The following DLG2 variants were observed in gnomAD, a reference collection of about 807,000 sequenced individuals.
DLG2 encodes disks large homolog 2.
DLG2 carries 45 observed loss-of-function variants against 132.5 expected under a neutral mutation model. The ratio of observed to expected loss-of-function variants is 0.34; its 90% confidence interval spans 0.27 to 0.44. The LOEUF is 0.44. DLG2 is among the 20% of genes least tolerant of loss of function. DLG2 has a pLI of 1.00. For synonymous variants in DLG2, 424 were observed against 419.6 expected (o/e 1.01, Z -0.13); for missense variants, 1,045 against 1,196.9 (o/e 0.87, Z 1.87).
intron 6 of DLG2, chr11:84,720,151 C>A (rs1418614249): frequency 1.6e-6 from 1 of 614,926 alleles, no homozygotes; most frequent in Non-Finnish European, 2.0e-6. Flanking sequence ...TCTTGGCCCC[C>A]AAACCCAGCT....
chr11:83,658,818 T>C (rs1278896817), intron 18 of DLG2, among the ~76,000 whole-genome samples: 1 of 152,236 alleles, frequency 6.6e-6, no homozygotes, highest in Non-Finnish European at 1.5e-5. Context: ...CTTTCTAGTA[T>C]TGAGCATTTA....
chr11:84,056,992 T>C (rs556203809), intron 11 of DLG2, among the ~76,000 whole-genome samples: 3 of 152,202 alleles, frequency 2.0e-5, no homozygotes, highest in Admixed American at 6.6e-5. Flanking sequence ...CTCATCTCAG[T>C]AGACCAAGCT....
chr11:84,684,600 T>A (rs895503291), intron 6 of DLG2, among the ~76,000 whole-genome samples: 1 of 152,138 alleles, frequency 6.6e-6, no homozygotes, highest in African/African-American at 2.4e-5. Context: ...TGGTTTCAAA[T>A]CCCAACTGAG....
intron 18 of DLG2, among the ~76,000 whole-genome samples, chr11:83,697,752 T>C (rs187879128): frequency 2.1e-4 from 32 of 152,154 alleles, no homozygotes; most frequent in African/African-American, 7.2e-4. Context: ...TTTAATAAAA[T>C]TAAAGGTGCT....
chr11:83,897,385 G>T (rs1565547098), intron 15 of DLG2, among the ~76,000 whole-genome samples: 1 of 152,146 alleles, frequency 6.6e-6, no homozygotes, highest in Non-Finnish European at 1.5e-5. Flanking sequence ...TACCCTTAAG[G>T]GGATACTTTG....
intron 6 of DLG2, among the ~76,000 whole-genome samples, chr11:84,770,243 G>A (rs1481864505): frequency 1.3e-5 from 2 of 152,168 alleles, no homozygotes; most frequent in African/African-American, 2.4e-5. Context: ...CTCAGAAGCT[G>A]AGCAGATGCT....
intron 3 of DLG2, among the ~76,000 whole-genome samples, chr11:85,408,733 T>C (rs930198627): frequency 6.6e-6 from 1 of 151,784 alleles, no homozygotes; most frequent in African/African-American, 2.4e-5. Context: ...AACTCATCAT[T>C]TTTTATGGCT....
intron 19 of DLG2, among the ~76,000 whole-genome samples, chr11:83,629,402 G>A (rs2063189980): frequency 6.6e-6 from 1 of 152,134 alleles, no homozygotes; most frequent in African/African-American, 2.4e-5. Flanking sequence ...CAAGTGAACA[G>A]GGCTGAGTTT....
rs564661504 is a variant in DLG2, at chr11:85,166,552, C to G, written c.187-11901G>C. ...TTCTTTATCCAGCTGGATGGGCTCT[C>G]TCAATCTATAATGCCTTCAGGAAAT... On this transcript the variant is annotated intron_variant, in intron 4 of 27. Coordinates refer to ENST00000376104, the MANE Select transcript of DLG2 (RefSeq NM_001142699.3). Among the ~76,000 whole-genome samples the G allele has an allele frequency of 3.9e-5, 6 of 152,184 alleles. No individual in the cohort carries two copies. The South Asian group carries it at 6.2e-4, about 16-fold the overall frequency.
At chr11:83,850,123 AGTGTGTGTGTGTGT>A (rs544279195) in intron 16 of DLG2, among the ~76,000 whole-genome samples, 2 of 39,046 alleles carry the variant, frequency 5.1e-5, no homozygotes, top group Non-Finnish European at 1.1e-4. Context: ...ATTTGGGGTA[AGTGTGTGTGTGTGT>A]GTGTGTGTGT....
At chr11:84,405,251 G>C (rs998308991) in intron 7 of DLG2, among the ~76,000 whole-genome samples, 11 of 152,188 alleles carry the variant, frequency 7.2e-5, no homozygotes, top group Non-Finnish European at 1.5e-4. Context: ...CCTTGCAGCT[G>C]TAGTATTCTT....
At chr11:83,881,452 G>A (rs562236223) in intron 15 of DLG2, among the ~76,000 whole-genome samples, 3 of 152,234 alleles carry the variant, frequency 2.0e-5, no homozygotes, top group Admixed American at 6.5e-5. Context: ...TATTTATTGA[G>A]CATTTAAGAT....
chr11:84,724,180 A>G (rs554239021), intron 6 of DLG2, among the ~76,000 whole-genome samples: 1 of 152,240 alleles, frequency 6.6e-6, no homozygotes, highest in African/African-American at 2.4e-5. Flanking sequence ...CAGCCTCTCT[A>G]AGCTTCAGTT....
chr11:85,080,392 T>A (rs1401511968), intron 6 of DLG2, among the ~76,000 whole-genome samples: 1 of 152,154 alleles, frequency 6.6e-6, no homozygotes, highest in Admixed American at 6.5e-5. Flanking sequence ...GTTTTGATAA[T>A]GACAGGTAAA....
chr11:85,413,583 A>C (rs2089539634), intron 3 of DLG2, among the ~76,000 whole-genome samples: 2 of 151,970 alleles, frequency 1.3e-5, no homozygotes, highest in South Asian at 4.1e-4. Context: ...TTTTTGTATA[A>C]GGTGAAAGAT....
At chr11:85,355,412 ACAAT>A (rs1236540732) in intron 3 of DLG2, among the ~76,000 whole-genome samples, 1 of 152,078 alleles carries the variant, frequency 6.6e-6, no homozygotes, top group Non-Finnish European at 1.5e-5. Context: ...TTTTTAAATG[ACAAT>A]CAAACATACT....
intron 3 of DLG2, among the ~76,000 whole-genome samples, chr11:85,463,600 C>G (rs2092685184): frequency 6.6e-6 from 1 of 151,980 alleles, no homozygotes; most frequent in South Asian, 2.1e-4. Context: ...GCTACATAGT[C>G]TATAAAAAAA....
At chr11:84,320,804 T>G (rs1002151652) in intron 7 of DLG2, among the ~76,000 whole-genome samples, 1 of 152,168 alleles carries the variant, frequency 6.6e-6, no homozygotes, top group Admixed American at 6.5e-5. Flanking sequence ...TTTTAAAATG[T>G]CCCGAATTGT....
At position 83,942,357 on chromosome 11, in the gene DLG2, G is replaced by A. The variant is rs2082852834; in HGVS notation, c.1341-11874C>T. Reference sequence around the variant, plus strand: ...ATCGAGTTAAAATAATATATATACAGTTTGATTCAGTTTTTGTGAATAATA... The same window carrying A: ...ATCGAGTTAAAATAATATATATACAATTTGATTCAGTTTTTGTGAATAATA... On this transcript the variant is annotated intron_variant, in intron 14 of 27. Transcript: ENST00000376104. 1.3e-5 allele frequency among the ~76,000 whole-genome samples: 2 copies of A among 152,048 alleles called. 1 individual carries two copies. Among genetic ancestry groups the A allele is most frequent in the South Asian group, 4.1e-4 (2 of 4,826 alleles).
Sources: allele counts gnomAD v4.1 joint callset (sites outside exome capture counted in the v4.1 genomes callset), GRCh38; gene constraint gnomAD v4.1.1; transcripts MANE v1.5; gene names NCBI Gene and HGNC (gene_info 2026-07-23, HGNC 2026-07-21).